EPS15L1: variants seen among roughly 807,000 people sequenced by gnomAD.
EPS15L1 encodes epidermal growth factor receptor pathway substrate 15 like 1.
EPS15L1 carries 43 observed loss-of-function variants against 117.1 expected under a neutral mutation model. The observed-to-expected ratio is 0.37, with a 90% CI of 0.29 to 0.47. EPS15L1 has a LOEUF of 0.47. EPS15L1 is among the 20% of genes least tolerant of loss of function. EPS15L1 has a pLI of 0.99. For synonymous variants in EPS15L1, 459 were observed against 470.5 expected (o/e 0.98, Z 0.32); for missense variants, 981 against 1,164.0 (o/e 0.84, Z 2.29).
At chr19:16,444,070 A>C (rs1293964118) in intron 1 of EPS15L1, among the ~76,000 whole-genome samples, 2 of 151,110 alleles carry the variant, frequency 1.3e-5, no homozygotes, top group Non-Finnish European at 3.0e-5. Flanking sequence ...TCTCAAAAAA[A>C]AAAAAAAAAA....
intron 7 of EPS15L1, among the ~76,000 whole-genome samples, chr19:16,429,322 A>T (rs1239315933): frequency 6.6e-6 from 1 of 151,918 alleles, no homozygotes; most frequent in African/African-American, 2.4e-5. Context: ...GCAGATCTCA[A>T]GCACCATCAC....
In EPS15L1 at chr19:16,441,208, C is replaced by T. The variant is rs891013382; in HGVS notation, c.166-299G>A. On this transcript the variant is annotated intron_variant, in intron 3 of 23. Transcript: ENST00000455140. The stretch of plus-strand genomic sequence containing the variant: ...GCAAGTGGCCAAGCGCGGTGGTTCA[C>T]GCCTGTAATCCCAGCACTTTGGGAG... The T allele has an allele frequency of 9.8e-6, 4 of 409,982 alleles. No homozygotes were observed. In the East Asian group the frequency reaches 1.6e-4, roughly 16 times the overall value. The allele number at this position is 409,982 out of a possible 1,614,324, so 25.4% of individuals were successfully genotyped here.
chr19:16,461,303 C>CT (rs1305496943), intron 1 of EPS15L1, among the ~76,000 whole-genome samples: 1 of 105,476 alleles, frequency 9.5e-6, no homozygotes. Flanking sequence ...GACTCCGTCT[C>CT]TTAAAAAAAA....
chr19:16,436,726 G>A (rs923979008), intron 6 of EPS15L1: 4 of 491,050 alleles, frequency 8.1e-6, no homozygotes, highest in Non-Finnish European at 1.1e-5. Context: ...CCAGTGAAGG[G>A]CCACAGCCTT....
At chr19:16,455,129 CA>C (rs1294446401) in intron 1 of EPS15L1, among the ~76,000 whole-genome samples, 89 of 141,428 alleles carry the variant, frequency 6.3e-4, no homozygotes, top group Admixed American at 9.1e-4. Context: ...AACTCCATCT[CA>C]AAAAAAAAAA....
chr19:16,442,067 G>T, intron 2 of EPS15L1, 86 bp from the exon 3 acceptor site: 1 of 1,476,216 alleles, frequency 6.8e-7, no homozygotes, highest in South Asian at 1.1e-5. Flanking sequence ...ACTATCCGCT[G>T]ACAGTGAACA....
intron 1 of EPS15L1, among the ~76,000 whole-genome samples, chr19:16,459,932 C>A (rs1407371911): frequency 6.6e-6 from 1 of 152,104 alleles, no homozygotes; most frequent in Non-Finnish European, 1.5e-5. Flanking sequence ...ATATGGTAGC[C>A]ATTTGCTCTC....
chr19:16,367,518 A>AC (rs965110587), intron 22 of EPS15L1, among the ~76,000 whole-genome samples: 2 of 149,368 alleles, frequency 1.3e-5, no homozygotes, highest in Admixed American at 6.6e-5. Flanking sequence ...AAAAAAAAAA[A>AC]AAAAAAAACT....
intron 1 of EPS15L1, among the ~76,000 whole-genome samples, chr19:16,450,020 T>C (rs1347823840): frequency 1.3e-5 from 2 of 150,142 alleles, no homozygotes; most frequent in Non-Finnish European, 3.0e-5. Context: ...GAAGTGGGTG[T>C]GGCTATAAAA....
chr19:16,412,854 C>T (rs2092721088), intron 13 of EPS15L1: 3 of 554,948 alleles, frequency 5.4e-6, no homozygotes, highest in South Asian at 3.1e-5. Context: ...CTTGCAGAGG[C>T]AAGGCCGAGG....
At chr19:16,439,506 T>G (rs1230865068) in intron 4 of EPS15L1, among the ~76,000 whole-genome samples, 1 of 151,940 alleles carries the variant, frequency 6.6e-6, no homozygotes, top group African/African-American at 2.4e-5. Flanking sequence ...AACCTGGGCA[T>G]AGTGAGACCT....
chr19:16,454,050 G>C (rs1250710446), intron 1 of EPS15L1, among the ~76,000 whole-genome samples: 1 of 152,212 alleles, frequency 6.6e-6, no homozygotes, highest in Non-Finnish European at 1.5e-5. Context: ...ACACAAGTGT[G>C]CCCTACCATG....
At position 16,355,382 on chromosome 19, in the gene EPS15L1, G is replaced by T; in HGVS notation, c.*323C>A. On this transcript the variant is annotated 3_prime_UTR_variant, in exon 24 of 24. Coordinates refer to ENST00000455140, the MANE Select transcript of EPS15L1 (RefSeq NM_001258374.3). ...CTGCAGCTATGAGTAGGGAGGAGGC[G>T]GGGAAGCCCTGGGTGCTTCCTCTCC... is the stretch of plus-strand genomic sequence containing the variant. 2 of 293,296 alleles carry T rather than the reference G, an allele frequency of 6.8e-6. No homozygotes were observed. The highest frequency in any genetic ancestry group is 6.4e-6 in the Non-Finnish European group (1 of 156,880). The allele number at this position is 293,296 out of a possible 1,614,324, so 18.2% of individuals were successfully genotyped here. A position where few individuals can be genotyped will look rare whatever the true frequency, so the allele number is the denominator to read the frequency against.
At chr19:16,382,134 C>T (rs2092369824) in intron 21 of EPS15L1, among the ~76,000 whole-genome samples, 1 of 152,332 alleles carries the variant, frequency 6.6e-6, no homozygotes, top group South Asian at 2.1e-4. Context: ...GCCGGCTTGG[C>T]GCCTCCCATG....
At chr19:16,394,980 G>A (rs1423720075) in intron 17 of EPS15L1, among the ~76,000 whole-genome samples, 1 of 152,050 alleles carries the variant, frequency 6.6e-6, no homozygotes, top group Non-Finnish European at 1.5e-5. Flanking sequence ...AGCACTTTGT[G>A]GGGCTGAGGC....
rs990793621 is a variant in EPS15L1, at chr19:16,365,543, A to G, written c.2381-3559T>C. ...ATCCATGTCTGCTGTTTAGGCTGAG[A>G]TAGAGCAAGTGTGAGCAGGGAGCCA... On this transcript the variant is annotated intron_variant, in intron 22 of 23. Transcript: ENST00000455140. The surrounding 1 kb of genome is among the most constrained non-coding windows in gnomAD (Gnocchi z 4.9). Among the ~76,000 whole-genome samples, 1 of 152,204 alleles carries G rather than the reference A, an allele frequency of 6.6e-6. No individual in the cohort carries two copies.
rs182728569 is a variant in EPS15L1, at chr19:16,365,878, T to G, written c.2381-3894A>C. On this transcript the variant is annotated intron_variant, in intron 22 of 23. Transcript: ENST00000455140. The surrounding 1 kb of genome is among the most constrained non-coding windows in gnomAD (Gnocchi z 4.9). ...CTCCAGCCCAGGGCTCGGCACACAG[T>G]GGGCTTCAGGAGGTCCTGGTGAACC... is the stretch of plus-strand genomic sequence containing the variant. Among the ~76,000 whole-genome samples, 1 of 152,166 alleles carries G rather than the reference T, an allele frequency of 6.6e-6. No homozygotes were observed. The highest frequency in any genetic ancestry group is 2.4e-5 in the African/African-American group (1 of 41,444).
chr19:16,437,054 G>C, intron 5 of EPS15L1, 55 bp from the exon 6 acceptor site: 1 of 1,511,412 alleles, frequency 6.6e-7, no homozygotes, highest in Non-Finnish European at 9.2e-7. Context: ...AATCATAGGT[G>C]GGTGGGTTTG....
chr19:16,380,899 G>A (rs1007698840), intron 21 of EPS15L1, among the ~76,000 whole-genome samples: 1 of 152,340 alleles, frequency 6.6e-6, no homozygotes, highest in Non-Finnish European at 1.5e-5. Flanking sequence ...TTTGCGTCCC[G>A]TCACAGAGAT....
Sources: allele counts gnomAD v4.1 joint callset (sites outside exome capture counted in the v4.1 genomes callset), GRCh38; gene constraint gnomAD v4.1.1; non-coding constraint Gnocchi (gnomAD v3.1); transcripts MANE v1.5; gene names NCBI Gene and HGNC (gene_info 2026-07-23, HGNC 2026-07-21).